The following ARMC9 variants were observed in gnomAD, a reference collection of about 807,000 sequenced individuals.
ARMC9 encodes lisH domain-containing protein ARMC9.
In ARMC9, 94 loss-of-function variants were observed where a neutral mutation model predicts 107.0. That is an observed-to-expected ratio of 0.88 (90% CI 0.74 to 1.04). The LOEUF (loss-of-function observed/expected upper bound fraction) is 1.04, where lower values mean the gene tolerates loss of function less well. Ranked by LOEUF, ARMC9 falls within the 50% of genes least tolerant of loss-of-function variation. The pLI, the probability that ARMC9 is intolerant of heterozygous loss-of-function variation, is 0.00. For missense variants in ARMC9, 942 were observed against 1,030.1 expected (o/e 0.91, Z 1.17); for synonymous variants, 380 against 396.9 (o/e 0.96, Z 0.51).
intron 19 of ARMC9, among the ~76,000 whole-genome samples, chr2:231,308,513 C>G (rs1040615734): frequency 6.6e-6 from 1 of 152,128 alleles, no homozygotes; most frequent in African/African-American, 2.4e-5. Flanking sequence ...CATGAGTAAC[C>G]AAAGGCTGGT....
At chr2:231,240,521 A>G (rs2036197417) in intron 9 of ARMC9, among the ~76,000 whole-genome samples, 1 of 152,234 alleles carries the variant, frequency 6.6e-6, no homozygotes, top group South Asian at 2.1e-4. Context: ...CTCTACACAC[A>G]AGTGAACACG....
chr2:231,215,053 T>C (rs561021369), intron 4 of ARMC9, 52 bp downstream of exon 4: 1 of 1,574,616 alleles, frequency 6.4e-7, no homozygotes, highest in East Asian at 2.2e-5. Flanking sequence ...TAAGGAACAG[T>C]GTTTGCTGTC....
At chr2:231,314,593 G>A (rs1156469250) in intron 19 of ARMC9, among the ~76,000 whole-genome samples, 3 of 152,096 alleles carry the variant, frequency 2.0e-5, no homozygotes, top group East Asian at 3.9e-4. Flanking sequence ...GGTGTTTAGC[G>A]GCATCCATGG....
rs372419434 is a variant in ARMC9 at position 231,282,144 on chromosome 2, G to A, written c.1626+11G>A. Reference sequence around the variant, plus strand: ...GAAGCAAGAGCAATGGTAAGAAAGCGTGCCTGAGAAACATGTGAGCTTCCT... The same window carrying A: ...GAAGCAAGAGCAATGGTAAGAAAGCATGCCTGAGAAACATGTGAGCTTCCT... On this transcript the variant is annotated intron_variant, in intron 17 of 24. Transcript: ENST00000611582. The A allele has an allele frequency of 2.1e-4, 342 of 1,613,716 alleles. 3 individuals are homozygous for A. The South Asian group carries it at 2.9e-3, about 14-fold the overall frequency.
rs1179521095 is a variant in ARMC9, at chr2:231,297,815, T to C, written c.1773+1562T>C. ...TTCTAAATGATAGTTTAAATTAATA[T>C]TTAATTATTTGTTTTTAACAACTTT... On this transcript the variant is annotated intron_variant, in intron 19 of 24. Coordinates refer to ENST00000611582, the MANE Select transcript of ARMC9 (RefSeq NM_001352754.2). This position sits in a 1 kb window ranked among gnomAD's most constrained non-coding sequence, Gnocchi z 4.2. Among the ~76,000 whole-genome samples the C allele has an allele frequency of 1.3e-5, 2 of 152,216 alleles. No individual in the cohort carries two copies. The highest frequency in any genetic ancestry group is 2.9e-5 in the Non-Finnish European group (2 of 68,030).
chr2:231,264,744 G>A (rs1260968432), intron 12 of ARMC9, among the ~76,000 whole-genome samples: 7 of 150,142 alleles, frequency 4.7e-5, no homozygotes, highest in South Asian at 2.1e-4. Context: ...TGATCCGCCC[G>A]CCTCAGCCTC....
Position 231,288,767 on chromosome 2 carries a change from A to C in ARMC9, c.1627-2586A>C, listed in dbSNP as rs1463394453. 1.3e-5 allele frequency: 6 copies of C among 469,922 alleles called. No homozygotes were observed. In the East Asian group the frequency reaches 3.5e-4, roughly 27 times the overall value. The allele number at this position is 469,922 out of a possible 1,614,324, so 29.1% of individuals were successfully genotyped here. On this transcript the variant is annotated intron_variant, in intron 17 of 24. Transcript: ENST00000611582. Reference sequence around the variant, plus strand: ...CCACACGGCCGGCGAGGGGCTACGCACCGTGGTTTGACTCCAGAGCCCTCT... The same window carrying C: ...CCACACGGCCGGCGAGGGGCTACGCCCCGTGGTTTGACTCCAGAGCCCTCT...
chr2:231,371,566 C>G lies in ARMC9; in HGVS notation c.*31C>G. 1 of 1,235,068 alleles carries G rather than the reference C, an allele frequency of 8.1e-7. No individual in the cohort carries two copies. The highest frequency in any genetic ancestry group is 1.0e-6 in the Non-Finnish European group (1 of 988,740). 76.5% of individuals were successfully genotyped at this position (1,235,068 alleles called of 1,614,324 possible). On this transcript the variant is annotated 3_prime_UTR_variant, in exon 25 of 25. Transcript: ENST00000611582. ...TCCCCGGGTGTCCCCATCACGTTGC[C>G]GGAGGACCAGCCAGCTTCCCGCTCT...
At chr2:231,335,339 T>G (rs552122784) in intron 20 of ARMC9, among the ~76,000 whole-genome samples, 1 of 152,250 alleles carries the variant, frequency 6.6e-6, no homozygotes, top group South Asian at 2.1e-4. Flanking sequence ...ACGCCAGTAA[T>G]TTAAAAACCA....
intron 9 of ARMC9, among the ~76,000 whole-genome samples, chr2:231,244,656 C>T (rs2125381276): frequency 6.6e-6 from 1 of 152,338 alleles, no homozygotes; most frequent in African/African-American, 2.4e-5. Flanking sequence ...AGGTGTGAGC[C>T]ACCACACCTG....
intron 18 of ARMC9, among the ~76,000 whole-genome samples, chr2:231,292,879 G>A (rs150789000): frequency 7.9e-4 from 121 of 152,308 alleles, no homozygotes; most frequent in African/African-American, 2.7e-3. Context: ...TGTACAGGGC[G>A]GTCACCTGGG....
At chr2:231,289,176 A>G (rs916579998) in intron 17 of ARMC9, among the ~76,000 whole-genome samples, 6 of 152,242 alleles carry the variant, frequency 3.9e-5, no homozygotes, top group African/African-American at 9.6e-5. Context: ...TTAAAAATAC[A>G]TGATATTTTG....
intron 19 of ARMC9, among the ~76,000 whole-genome samples, chr2:231,331,538 C>T (rs375178475): frequency 4.6e-5 from 7 of 152,298 alleles, no homozygotes; most frequent in African/African-American, 1.2e-4. Flanking sequence ...CTGGAACCTC[C>T]GCACAACTAA....
chr2:231,304,160 G>A (rs752691851), intron 19 of ARMC9, among the ~76,000 whole-genome samples: 3 of 151,998 alleles, frequency 2.0e-5, no homozygotes, highest in Admixed American at 6.5e-5. Context: ...AGCCCAGGAG[G>A]CAGAGGTTGC....
chr2:231,261,298 C>T (rs980268437), intron 11 of ARMC9, among the ~76,000 whole-genome samples: 14 of 152,302 alleles, frequency 9.2e-5, no homozygotes, highest in African/African-American at 2.9e-4. Context: ...GCTCTCCACA[C>T]GAAAATTTTC....
chr2:231,264,936 C>T (rs2125418928), intron 12 of ARMC9, among the ~76,000 whole-genome samples: 1 of 152,178 alleles, frequency 6.6e-6, no homozygotes, highest in East Asian at 1.9e-4. Context: ...GAAACCCTGT[C>T]TCTGCTAAAA....
In ARMC9 at chr2:231,360,707, G is replaced by A. The variant is rs1431171261; in HGVS notation, c.2132-47G>A. Reference sequence around the variant, plus strand: ...CAGCCCACGAGAGGGCATCCTTAGAGGGGCTCCAGAGCAGATGTGGACTGA... The same window carrying A: ...CAGCCCACGAGAGGGCATCCTTAGAAGGGCTCCAGAGCAGATGTGGACTGA... On this transcript the variant is annotated intron_variant, in intron 22 of 24. Transcript: ENST00000611582. The surrounding 1 kb of genome is among the most constrained non-coding windows in gnomAD (Gnocchi z 4.7). 2.6e-6 allele frequency: 4 copies of A among 1,536,110 alleles called. No individual in the cohort carries two copies. The highest frequency in any genetic ancestry group is 1.4e-5 in the African/African-American group (1 of 73,180).
Position 231,272,985 on chromosome 2 carries a change from T to C in ARMC9, c.1241T>C (p.Val414Ala). The C allele has an allele frequency of 6.2e-7, 1 of 1,613,790 alleles. No individual in the cohort carries two copies. Among genetic ancestry groups the C allele is most frequent in the Non-Finnish European group, 8.5e-7 (1 of 1,179,910 alleles). Residue 414 changes from valine (V) to alanine (A), a missense_variant, in exon 14 of 25, where the codon GTG becomes GCG. Physicochemically the swap from Val to Ala is moderately conservative, Grantham distance 64 (BLOSUM62 0). Coordinates refer to ENST00000611582, the MANE Select transcript of ARMC9 (RefSeq NM_001352754.2). ...GRLYLAQNTKVLQMLEGRLKE... is the reference protein window; with the variant it reads ...GRLYLAQNTKALQMLEGRLKE... Reference sequence around the variant, plus strand: ...CTCTACCTTGCCCAGAACACAAAGGTGCTGCAGATGCTGGAGGGAAGGCTG... The same window carrying C: ...CTCTACCTTGCCCAGAACACAAAGGCGCTGCAGATGCTGGAGGGAAGGCTG...
intron 3 of ARMC9, among the ~76,000 whole-genome samples, chr2:231,210,565 T>G (rs1287569376): frequency 2.6e-5 from 4 of 152,236 alleles, no homozygotes; most frequent in Admixed American, 6.5e-5. Flanking sequence ...GAGACTCTTT[T>G]GTGAAGTTCA....
Sources: gnomAD v4.1 joint callset for allele counts (sites outside exome capture counted in the v4.1 genomes callset) on GRCh38, gnomAD v4.1.1 for gene constraint, Gnocchi (gnomAD v3.1) non-coding constraint, MANE v1.5 for transcripts, NCBI Gene and HGNC (gene_info 2026-07-23, HGNC 2026-07-21) for gene names.